The following MAML2 variants were observed in gnomAD, a reference collection of about 807,000 sequenced individuals.
MAML2 encodes mastermind-like protein 2.
MAML2 carries 22 observed loss-of-function variants against 96.1 expected under a neutral mutation model. The observed-to-expected ratio is 0.23, with a 90% CI of 0.16 to 0.33. The LOEUF is 0.33. Ranked by LOEUF, MAML2 falls within the 10% of genes least tolerant of loss-of-function variation. The pLI, the probability that MAML2 is intolerant of heterozygous loss-of-function variation, is 1.00. For synonymous variants in MAML2, 561 were observed against 521.3 expected, an observed-to-expected ratio of 1.08 and a Z score of -1.04; for missense variants, 1,367 against 1,392.4, an observed-to-expected ratio of 0.98 and a Z score of 0.29.
intron 2 of MAML2, among the ~76,000 whole-genome samples, chr11:96,068,362 C>A (rs1859276695): frequency 6.8e-6 from 1 of 147,716 alleles, no homozygotes; most frequent in Non-Finnish European, 1.5e-5. Flanking sequence ...AACCTATGAA[C>A]TTCACTTTTG....
intron 2 of MAML2, among the ~76,000 whole-genome samples, chr11:96,034,436 A>T (rs201154478): frequency 0.021 from 2,387 of 116,378 alleles, 40 homozygotes; most frequent in East Asian, 0.11. Context: ...TGTGTGTGAG[A>T]GAGAGAGAGA....
chr11:96,042,644 C>G (rs78048813), intron 2 of MAML2, among the ~76,000 whole-genome samples: 2,611 of 152,184 alleles, frequency 0.017, 74 homozygotes, highest in African/African-American at 0.059. Flanking sequence ...GGCCTGTTCC[C>G]CATGAAGCCT....
chr11:96,223,544 T>C (rs949213345), intron 1 of MAML2, among the ~76,000 whole-genome samples: 3 of 151,284 alleles, frequency 2.0e-5, no homozygotes, highest in African/African-American at 7.3e-5. Context: ...AGGTATTTTC[T>C]TTTTTTTTCT....
At chr11:96,007,751 A>C (rs1011239430) in intron 2 of MAML2, among the ~76,000 whole-genome samples, 3 of 152,006 alleles carry the variant, frequency 2.0e-5, no homozygotes, top group Non-Finnish European at 2.9e-5. Context: ...TAAGAAAGTA[A>C]CATTCTCAGT....
intron 2 of MAML2, among the ~76,000 whole-genome samples, chr11:96,039,403 G>T (rs1858770137): frequency 6.7e-6 from 1 of 149,672 alleles, no homozygotes; most frequent in Non-Finnish European, 1.5e-5. Context: ...AGACAGGAGA[G>T]GGGAGAGGGG....
rs1467839772 is a variant in MAML2, at chr11:95,986,535, T to C, written c.2344-893A>G. Reference sequence around the variant, plus strand: ...ATTTGTTAAATCTGATGACCCTAGGTAGGAGGAGATGTCAGGAGATAACCA... The same window carrying C: ...ATTTGTTAAATCTGATGACCCTAGGCAGGAGGAGATGTCAGGAGATAACCA... On this transcript the variant is annotated intron_variant, in intron 3 of 4. Transcript: ENST00000524717. 3.7e-4 allele frequency among the ~76,000 whole-genome samples: 56 copies of C among 151,934 alleles called. 1 individual carries two copies. The highest frequency in any genetic ancestry group is 3.7e-3 in the Admixed American group (56 of 15,248).
intron 2 of MAML2, among the ~76,000 whole-genome samples, chr11:96,063,059 C>A (rs1859191928): frequency 6.6e-6 from 1 of 150,660 alleles, no homozygotes; most frequent in Non-Finnish European, 1.5e-5. Flanking sequence ...TGGTGCCCGT[C>A]TCAGTCCACC....
intron 1 of MAML2, among the ~76,000 whole-genome samples, chr11:96,163,049 C>G (rs944684849): frequency 6.6e-6 from 1 of 152,228 alleles, no homozygotes; most frequent in African/African-American, 2.4e-5. Flanking sequence ...GGAGCCAAGA[C>G]TTCATTACTC....
intron 1 of MAML2, among the ~76,000 whole-genome samples, chr11:96,174,400 T>C (rs1214683678): frequency 6.6e-6 from 1 of 152,242 alleles, no homozygotes; most frequent in East Asian, 1.9e-4. Flanking sequence ...TTATTTTATT[T>C]TGAGATGGAG....
chr11:96,079,232 G>GGGAAA (rs1164635556), intron 2 of MAML2, among the ~76,000 whole-genome samples: 3 of 152,062 alleles, frequency 2.0e-5, no homozygotes, highest in African/African-American at 7.2e-5. Context: ...AATAAAACTT[G>GGGAAA]ATGTACTTGG....
intron 1 of MAML2, among the ~76,000 whole-genome samples, chr11:96,150,119 C>A (rs758173752): frequency 2.0e-4 from 31 of 152,190 alleles, no homozygotes; most frequent in Middle Eastern, 3.2e-3. Context: ...CTTGAAATTT[C>A]GTTAACAATT....
At chr11:96,126,022 T>C (rs1206076415) in intron 1 of MAML2, among the ~76,000 whole-genome samples, 17 of 152,192 alleles carry the variant, frequency 1.1e-4, no homozygotes, top group Admixed American at 1.0e-3. Context: ...AGACTTCAAG[T>C]GGAGCCTTTC....
At chr11:96,314,780 G>C (rs750530473) in intron 1 of MAML2, among the ~76,000 whole-genome samples, 1 of 152,196 alleles carries the variant, frequency 6.6e-6, no homozygotes, top group Non-Finnish European at 1.5e-5. Flanking sequence ...CACAGAAACA[G>C]CCTTCCTTCA....
At chr11:96,304,228 TCA>T (rs1863432833) in intron 1 of MAML2, among the ~76,000 whole-genome samples, 1 of 152,150 alleles carries the variant, frequency 6.6e-6, no homozygotes, top group Admixed American at 6.5e-5. Context: ...GTTCACTCTC[TCA>T]CCCCTTAGAA....
At position 95,977,446 on chromosome 11, in the gene MAML2, CT is replaced by C. The variant is rs1857665958; in HGVS notation, c.*1501del. On this transcript the variant is annotated 3_prime_UTR_variant, in exon 5 of 5. Coordinates refer to ENST00000524717, the MANE Select transcript of MAML2 (RefSeq NM_032427.4). ...AGAATTTTCAAAGTGTGTTCTTTTT[CT>C]TTGAACAGATATTGAAAGACTTGAT... 5.2e-6 allele frequency: 1 copy of C among 191,134 alleles called. No homozygotes were observed. Among genetic ancestry groups the C allele is most frequent in the Non-Finnish European group, 1.1e-5 (1 of 91,268 alleles). The allele number at this position is 191,134 out of a possible 1,614,324, so 11.8% of individuals were successfully genotyped here.
chr11:96,265,772 G>C (rs1772558208), intron 1 of MAML2, among the ~76,000 whole-genome samples: 1 of 152,160 alleles, frequency 6.6e-6, no homozygotes, highest in South Asian at 2.1e-4. Flanking sequence ...GTTTGGCTGG[G>C]GCAGTTGGAG....
chr11:96,302,753 T>C (rs1863406220), intron 1 of MAML2, among the ~76,000 whole-genome samples: 1 of 152,180 alleles, frequency 6.6e-6, no homozygotes, highest in South Asian at 2.1e-4. Context: ...TCACCAAAAC[T>C]CATGCCTGGT....
intron 1 of MAML2, among the ~76,000 whole-genome samples, chr11:96,293,062 G>T (rs958590651): frequency 6.6e-6 from 1 of 152,182 alleles, no homozygotes; most frequent in Admixed American, 6.5e-5. Flanking sequence ...GACTATGCTT[G>T]AAAAGGTTAT....
intron 2 of MAML2, 66 bp from the exon 3 acceptor site, chr11:95,991,789 A>G (rs2135709925): frequency 8.2e-7 from 1 of 1,215,408 alleles, no homozygotes; most frequent in Non-Finnish European, 1.2e-6. Flanking sequence ...TAGCACAAAG[A>G]TCATACACTC....
Sources: gnomAD v4.1 joint callset for allele counts (sites outside exome capture counted in the v4.1 genomes callset) on GRCh38, gnomAD v4.1.1 for gene constraint, MANE v1.5 for transcripts, NCBI Gene and HGNC (gene_info 2026-07-23, HGNC 2026-07-21) for gene names.